GRM5: variants seen among roughly 807,000 people sequenced by gnomAD.
The protein encoded by GRM5 is glutamate metabotropic receptor 5, also known as metabotropic glutamate receptor 5.
GRM5 carries 19 observed loss-of-function variants against 83.1 expected under a neutral mutation model. The ratio of observed to expected loss-of-function variants is 0.23; its 90% CI spans 0.16 to 0.34. The LOEUF (loss-of-function observed/expected upper bound fraction) is 0.34, where lower values mean the gene tolerates loss of function less well. Ranked by LOEUF, GRM5 falls within the 10% of genes least tolerant of loss-of-function variation. GRM5 has a pLI of 1.00. For missense variants in GRM5, 1,160 were observed against 1,588.3 expected (o/e 0.73, Z 4.58); for synonymous variants, 675 against 633.6 (o/e 1.07, Z -0.98).
intron 2 of GRM5, among the ~76,000 whole-genome samples, chr11:88,960,548 T>C (rs1250650735): frequency 2.6e-5 from 4 of 152,170 alleles, no homozygotes; most frequent in African/African-American, 7.2e-5. Flanking sequence ...AGACCTAATA[T>C]CTGATTTAAA....
At chr11:88,895,986 G>A (rs1269739591) in intron 2 of GRM5, among the ~76,000 whole-genome samples, 1 of 152,062 alleles carries the variant, frequency 6.6e-6, no homozygotes, top group East Asian at 1.9e-4. Flanking sequence ...ACATTAGGAT[G>A]AAATTAGAAT....
intron 1 of GRM5, among the ~76,000 whole-genome samples, chr11:89,064,935 AGAGAGG>A (rs764279339): frequency 0.024 from 1,394 of 56,918 alleles, 13 homozygotes; most frequent in Non-Finnish European, 0.034. Flanking sequence ...AGAGAGAGAG[AGAGAGG>A]GAGAGAGAGA....
chr11:88,601,165 G>C (rs972689087), intron 5 of GRM5, among the ~76,000 whole-genome samples: 2 of 152,106 alleles, frequency 1.3e-5, no homozygotes, highest in African/African-American at 4.8e-5. Flanking sequence ...TGCAACCTTG[G>C]ACATGTCTCT....
chr11:88,715,465 G>A (rs950933017), intron 3 of GRM5, among the ~76,000 whole-genome samples: 13 of 151,924 alleles, frequency 8.6e-5, no homozygotes, highest in African/African-American at 2.7e-4. Context: ...TCAATAAGGT[G>A]GATGTTACTG....
chr11:88,885,609 A>G (rs908441495), intron 2 of GRM5, among the ~76,000 whole-genome samples: 1 of 151,850 alleles, frequency 6.6e-6, no homozygotes, highest in Non-Finnish European at 1.5e-5. Flanking sequence ...TATATAAATA[A>G]GGTTTCCACA....
chr11:88,830,266 C>T (rs1267178246), intron 3 of GRM5, among the ~76,000 whole-genome samples: 1 of 151,592 alleles, frequency 6.6e-6, no homozygotes, highest in African/African-American at 2.4e-5. Flanking sequence ...GGAAAGTATT[C>T]TTCTGACATT....
intron 2 of GRM5, among the ~76,000 whole-genome samples, chr11:88,915,513 G>A (rs1945574962): frequency 6.6e-6 from 1 of 152,088 alleles, no homozygotes; most frequent in Admixed American, 6.6e-5. Flanking sequence ...TTCTATTACA[G>A]CTGTTGTAGC....
At chr11:88,978,108 T>C (rs1939399022) in intron 2 of GRM5, among the ~76,000 whole-genome samples, 1 of 152,176 alleles carries the variant, frequency 6.6e-6, no homozygotes, top group African/African-American at 2.4e-5. Flanking sequence ...ATTAGCCTGC[T>C]CTAAAATACA....
At chr11:88,847,413 C>A (rs1944317620) in intron 3 of GRM5, among the ~76,000 whole-genome samples, 2 of 152,148 alleles carry the variant, frequency 1.3e-5, no homozygotes, top group Admixed American at 1.3e-4. Context: ...CAGTAATTGG[C>A]ACAAAGTATT....
At chr11:88,765,117 T>C (rs1026004357) in intron 3 of GRM5, among the ~76,000 whole-genome samples, 1 of 151,470 alleles carries the variant, frequency 6.6e-6, no homozygotes, top group Non-Finnish European at 1.5e-5. Flanking sequence ...GAACAAATTC[T>C]TACAAACACA....
intron 2 of GRM5, among the ~76,000 whole-genome samples, chr11:89,010,557 G>C (rs1940665645): frequency 6.6e-6 from 1 of 151,934 alleles, no homozygotes; most frequent in African/African-American, 2.4e-5. Context: ...GGGTGGCACA[G>C]AATTGTTAAA....
intron 8 of GRM5, among the ~76,000 whole-genome samples, chr11:88,555,056 G>C (rs754482918): frequency 2.6e-5 from 4 of 152,152 alleles, no homozygotes; most frequent in Non-Finnish European, 5.9e-5. Flanking sequence ...TTTGGACTCA[G>C]ACAACCTTGG....
Position 88,579,507 on chromosome 11 carries a change from G to T in GRM5, c.1690+11094C>A, listed in dbSNP as rs11821168. Among the ~76,000 whole-genome samples, 25 of 152,150 alleles carry T rather than the reference G, an allele frequency of 1.6e-4. 1 individual carries two copies. In the South Asian group the frequency reaches 5.2e-3, roughly 31 times the overall value. On this transcript the variant is annotated intron_variant, in intron 7 of 9. Transcript: ENST00000305447. ...GGGGGGTTAGTTTGTAGTATTAAAC[G>T]GGTTGCTCAGGGTAGACATTTGAGC...
At chr11:88,689,876 C>T (rs1197336386) in intron 3 of GRM5, among the ~76,000 whole-genome samples, 1 of 152,098 alleles carries the variant, frequency 6.6e-6, no homozygotes, top group Non-Finnish European at 1.5e-5. Context: ...ATAAACAGGC[C>T]TGATCTCTTT....
At chr11:88,998,173 A>G (rs2135063294) in intron 2 of GRM5, among the ~76,000 whole-genome samples, 1 of 152,148 alleles carries the variant, frequency 6.6e-6, no homozygotes, top group African/African-American at 2.4e-5. Context: ...ATAACCACAA[A>G]AGTTTTTAAC....
chr11:88,633,394 C>T (rs896869167), intron 4 of GRM5, among the ~76,000 whole-genome samples: 1 of 152,048 alleles, frequency 6.6e-6, no homozygotes, highest in Non-Finnish European at 1.5e-5. Flanking sequence ...TTCTACTGAT[C>T]GTGTTTTGCT....
intron 3 of GRM5, among the ~76,000 whole-genome samples, chr11:88,694,808 T>C (rs180961829): frequency 6.6e-6 from 1 of 152,308 alleles, no homozygotes; most frequent in East Asian, 1.9e-4. Flanking sequence ...CATTAGGTTA[T>C]TGATTACATG....
At chr11:88,933,134 A>C (rs1319672050) in intron 2 of GRM5, among the ~76,000 whole-genome samples, 1 of 150,212 alleles carries the variant, frequency 6.7e-6, no homozygotes, top group African/African-American at 2.4e-5. Context: ...AACTCCAAAA[A>C]ATTGAGAGGT....
intron 2 of GRM5, among the ~76,000 whole-genome samples, chr11:88,855,088 A>C (rs1944451162): frequency 6.6e-6 from 1 of 151,916 alleles, no homozygotes; most frequent in Non-Finnish European, 1.5e-5. Context: ...GTGGTAGGGA[A>C]AACTATCATT....
Sources: gnomAD v4.1 joint callset for allele counts (sites outside exome capture counted in the v4.1 genomes callset) on GRCh38, gnomAD v4.1.1 for gene constraint, MANE v1.5 for transcripts, NCBI Gene and HGNC (gene_info 2026-07-23, HGNC 2026-07-21) for gene names.